Variants in RFC3 observed in about 807,000 individuals in gnomAD.
The protein encoded by RFC3 is A1 38 kDa subunit.
A neutral mutation model predicts 45.1 loss-of-function variants in RFC3; 41 were observed. That is an observed-to-expected ratio of 0.91 (90% confidence interval 0.71 to 1.18). The LOEUF (loss-of-function observed/expected upper bound fraction) is 1.18, where lower values mean the gene tolerates loss of function less well. Among genes scored for constraint, RFC3 ranks in the 50% most tolerant of loss-of-function variants. RFC3 has a pLI of 0.00. For synonymous variants in RFC3, 149 were observed against 144.0 expected, an observed-to-expected ratio of 1.03 and a Z score of -0.25; for missense variants, 423 against 428.1, an observed-to-expected ratio of 0.99 and a Z score of 0.10.
intron 8 of RFC3, among the ~76,000 whole-genome samples, chr13:33,867,045 T>C (rs2082378068): frequency 6.6e-6 from 1 of 152,206 alleles, no homozygotes; most frequent in Non-Finnish European, 1.5e-5. Flanking sequence ...GGAAGGACTG[T>C]TACAGTAGGA....
intron 8 of RFC3, among the ~76,000 whole-genome samples, chr13:33,963,000 A>G (rs972027981): frequency 1.3e-5 from 2 of 152,158 alleles, no homozygotes; most frequent in Admixed American, 1.3e-4. Context: ...CAGGAATTCA[A>G]TAAATGGTAT....
At chr13:33,896,187 A>G (rs2137650557) in intron 8 of RFC3, among the ~76,000 whole-genome samples, 1 of 151,470 alleles carries the variant, frequency 6.6e-6, no homozygotes, top group East Asian at 1.9e-4. Context: ...ATGTATATAT[A>G]TAATTTTAAA....
At chr13:33,832,683 A>T (rs1253053672) in intron 7 of RFC3, among the ~76,000 whole-genome samples, 3 of 152,154 alleles carry the variant, frequency 2.0e-5, no homozygotes, top group Admixed American at 2.0e-4. Context: ...TATTTTGTAA[A>T]ATGTTGATTA....
At chr13:33,937,966 T>A (rs1271165136) in intron 8 of RFC3, among the ~76,000 whole-genome samples, 1 of 152,046 alleles carries the variant, frequency 6.6e-6, no homozygotes, top group Non-Finnish European at 1.5e-5. Context: ...CACAAGACAA[T>A]GCCCCATTGT....
intron 8 of RFC3, among the ~76,000 whole-genome samples, chr13:33,965,002 A>G (rs2083078883): frequency 6.6e-6 from 1 of 152,112 alleles, no homozygotes; most frequent in Non-Finnish European, 1.5e-5. Context: ...AAAAGTTGGA[A>G]GAGACAAGAA....
intron 3 of RFC3, among the ~76,000 whole-genome samples, 169 bp downstream of exon 3, chr13:33,824,153 C>G (rs1217253481): frequency 2.0e-5 from 3 of 152,022 alleles, no homozygotes. Context: ...ATCCTAGAGC[C>G]CTTCCTGTTT....
rs1295173676 is a variant in RFC3 at position 33,869,949 on chromosome 13, G to A, written c.879+34732G>A. Among the ~76,000 whole-genome samples the A allele has an allele frequency of 3.9e-5, 6 of 152,304 alleles. No individual in the cohort carries two copies. In the East Asian group the frequency reaches 9.6e-4, roughly 24 times the overall value. ...TGATGCTGTACAAATCTCGGAGAAAGAAGTATACCAGTCTAACTTGCTTAT... is the reference window on the plus strand; with the variant it reads ...TGATGCTGTACAAATCTCGGAGAAAAAAGTATACCAGTCTAACTTGCTTAT... On this transcript the variant is annotated intron_variant, in intron 8 of 8. Transcript: ENST00000434425.
At chr13:33,842,273 G>A (rs1467681246), downstream of RFC3, among the ~76,000 whole-genome samples, 1 of 151,144 alleles carries the variant, frequency 6.6e-6, no homozygotes, top group Non-Finnish European at 1.5e-5. Flanking sequence ...GGGCCACAGA[G>A]CAAGAGCCTG....
chr13:33,902,349 C>T (rs896863192), intron 8 of RFC3, among the ~76,000 whole-genome samples: 1 of 151,966 alleles, frequency 6.6e-6, no homozygotes, highest in Non-Finnish European at 1.5e-5. Flanking sequence ...AAACATGGGG[C>T]TGTCTTTGCA....
chr13:33,951,675 G>C (rs2082992514), intron 8 of RFC3, among the ~76,000 whole-genome samples: 1 of 152,172 alleles, frequency 6.6e-6, no homozygotes, highest in African/African-American at 2.4e-5. Context: ...GAAAGGTTTA[G>C]AGTAAATCAT....
chr13:33,864,146 G>T lies in RFC3; in HGVS notation c.879+28929G>T, dbSNP rs76185482. On this transcript the variant is annotated intron_variant, in intron 8 of 8. Coordinates refer to the RFC3 transcript ENST00000434425. ...GAGAGAACGAGGGAGGAGGTGCCAG[G>T]CTCCTTTAAACAAACAGGTCTCCTG... 8.1e-3 allele frequency among the ~76,000 whole-genome samples: 1,225 copies of T among 152,080 alleles called. 10 individuals carry two copies. The highest frequency in any genetic ancestry group is 0.028 in the African/African-American group (1,178 of 41,480).
intron 3 of RFC3, among the ~76,000 whole-genome samples, chr13:33,825,148 G>T (rs2082037451): frequency 6.6e-6 from 1 of 152,172 alleles, no homozygotes; most frequent in African/African-American, 2.4e-5. Context: ...AGCCTAAATT[G>T]ACTTCTCTTG....
intron 8 of RFC3, among the ~76,000 whole-genome samples, chr13:33,882,003 T>G (rs1429735745): frequency 6.6e-6 from 1 of 152,212 alleles, no homozygotes; most frequent in Non-Finnish European, 1.5e-5. Context: ...TGTAAATTAT[T>G]TAACCTGTTT....
chr13:33,923,785 C>A (rs1321502346), intron 8 of RFC3, among the ~76,000 whole-genome samples: 2 of 152,116 alleles, frequency 1.3e-5, no homozygotes, highest in African/African-American at 4.8e-5. Context: ...GTGCTTTAAT[C>A]TTTCCTGGCC....
At chr13:33,915,283 G>T (rs982321612) in intron 8 of RFC3, among the ~76,000 whole-genome samples, 1 of 152,098 alleles carries the variant, frequency 6.6e-6, no homozygotes, top group Non-Finnish European at 1.5e-5. Flanking sequence ...GAGAATTCAG[G>T]AGATAAAATG....
chr13:33,836,424 C>A lies in RFC3; in HGVS notation c.*129C>A, dbSNP rs2082155440. On this transcript the variant is annotated 3_prime_UTR_variant, in exon 9 of 9. Coordinates refer to ENST00000380071, the MANE Select transcript of RFC3 (RefSeq NM_002915.4). ...TTGCGTTTTTTTGGTAATAACTTCT[C>A]TGTGAACTATTAATCATCCTCTGAG... 2 of 1,477,348 alleles carry A rather than the reference C, an allele frequency of 1.4e-6. No individual in the cohort carries two copies. Among genetic ancestry groups the A allele is most frequent in the Non-Finnish European group, 1.8e-6 (2 of 1,118,590 alleles). The allele number at this position is 1,477,348 out of a possible 1,614,324, so 91.5% of individuals were successfully genotyped here. A position where few individuals can be genotyped will look rare whatever the true frequency, so the allele number is the denominator to read the frequency against.
intron 7 of RFC3, among the ~76,000 whole-genome samples, chr13:33,834,798 C>T (rs968302796): frequency 3.9e-5 from 6 of 152,086 alleles, no homozygotes; most frequent in Non-Finnish European, 8.8e-5. Flanking sequence ...GCTCAACCCG[C>T]GCTCTTCATG....
chr13:33,948,161 A>G (rs541156120), intron 8 of RFC3, among the ~76,000 whole-genome samples: 31 of 151,728 alleles, frequency 2.0e-4, no homozygotes, highest in Admixed American at 1.5e-3. Context: ...GAGCCCAGGG[A>G]CCCCCTGCTC....
In RFC3 at chr13:33,821,288, G is replaced by C; in HGVS notation, c.225+19G>C. ...CATCACAGTAAGCATTTCACTTTGA[G>C]GCCCTGAAAGTAATTTATAGCGGGG... On this transcript the variant is annotated intron_variant, in intron 2 of 8. Transcript: ENST00000380071. 6.2e-7 allele frequency: 1 copy of C among 1,611,136 alleles called. No homozygotes were observed. The highest frequency in any genetic ancestry group is 8.5e-7 in the Non-Finnish European group (1 of 1,177,978).
Sources: allele counts gnomAD v4.1 joint callset (sites outside exome capture counted in the v4.1 genomes callset), GRCh38; gene constraint gnomAD v4.1.1; transcripts MANE v1.5; gene names NCBI Gene and HGNC (gene_info 2026-07-23, HGNC 2026-07-21).